PIP4K2A: variants seen among roughly 807,000 people sequenced by gnomAD.
PIP4K2A encodes phosphatidylinositol 5-phosphate 4-kinase type-2 alpha.
A neutral mutation model predicts 42.9 loss-of-function variants in PIP4K2A; 14 were observed. The ratio of observed to expected loss-of-function variants is 0.33; its 90% CI spans 0.22 to 0.51. PIP4K2A has a LOEUF of 0.51. Among genes scored for constraint, PIP4K2A ranks in the 20% least tolerant of loss-of-function variants. The pLI, the probability that PIP4K2A is intolerant of heterozygous loss-of-function variation, is 0.97. For synonymous variants in PIP4K2A, 192 were observed against 192.2 expected, an observed-to-expected ratio of 1.00 and a Z score of 0.01; for missense variants, 434 against 519.8, an observed-to-expected ratio of 0.83 and a Z score of 1.61.
intron 1 of PIP4K2A, among the ~76,000 whole-genome samples, chr10:22,657,613 T>C (rs1450982947): frequency 1.3e-5 from 2 of 152,228 alleles, no homozygotes; most frequent in East Asian, 1.9e-4. Flanking sequence ...GATTCTACAA[T>C]GGTAAACCAA....
intron 1 of PIP4K2A, among the ~76,000 whole-genome samples, chr10:22,616,290 T>A (rs1838176417): frequency 6.6e-6 from 1 of 152,160 alleles, no homozygotes; most frequent in Non-Finnish European, 1.5e-5. Context: ...ACTGCCACAC[T>A]TGGCACTAAC....
chr10:22,714,354 C>A lies in PIP4K2A; in HGVS notation c.-28G>T. Reference sequence around the variant, plus strand: ...CCGCCTCCTATGTCCCCTCCACCGCCGTGCTCCCGAGGCCGGGGACCCGCC... The same window carrying A: ...CCGCCTCCTATGTCCCCTCCACCGCAGTGCTCCCGAGGCCGGGGACCCGCC... On this transcript the variant is annotated 5_prime_UTR_variant, in exon 1 of 10. Transcript: ENST00000376573. 6.6e-7 allele frequency: 1 copy of A among 1,525,604 alleles called. No individual in the cohort carries two copies. Among genetic ancestry groups the A allele is most frequent in the Non-Finnish European group, 8.8e-7 (1 of 1,132,614 alleles). 94.5% of individuals were successfully genotyped at this position (1,525,604 alleles called of 1,614,324 possible). A position where few individuals can be genotyped will look rare whatever the true frequency, so the allele number is the denominator to read the frequency against.
At chr10:22,675,149 A>C (rs1313021347) in intron 1 of PIP4K2A, among the ~76,000 whole-genome samples, 1 of 152,156 alleles carries the variant, frequency 6.6e-6, no homozygotes, top group Non-Finnish European at 1.5e-5. Flanking sequence ...TCATTCATTC[A>C]ATGTTGATTG....
chr10:22,644,547 C>T (rs1249372617), intron 1 of PIP4K2A, among the ~76,000 whole-genome samples: 1 of 152,194 alleles, frequency 6.6e-6, no homozygotes, highest in African/African-American at 2.4e-5. Context: ...CCTCACTTCC[C>T]AGTCTCTCAC....
At position 22,545,743 on chromosome 10, in the gene PIP4K2A, T is replaced by G. The variant is rs936618957; in HGVS notation, c.793-3696A>C. On this transcript the variant is annotated intron_variant, in intron 7 of 9. Coordinates refer to ENST00000376573, the MANE Select transcript of PIP4K2A (RefSeq NM_005028.5). ...TTTAAGAGATGGGATCTTGCTCTGT[T>G]GCCCAGGCTGGAGTACAGTGGTATG... Among the ~76,000 whole-genome samples the G allele has an allele frequency of 1.4e-4, 21 of 152,220 alleles. 1 individual carries two copies. Among genetic ancestry groups the G allele is most frequent in the Admixed American group, 1.2e-3 (18 of 15,282 alleles).
At chr10:22,689,671 G>C (rs1839823456) in intron 1 of PIP4K2A, among the ~76,000 whole-genome samples, 1 of 152,124 alleles carries the variant, frequency 6.6e-6, no homozygotes. Context: ...AGATACTGAG[G>C]GATGACTGTA....
intron 7 of PIP4K2A, among the ~76,000 whole-genome samples, chr10:22,545,028 C>A (rs958198509): frequency 6.6e-6 from 1 of 152,224 alleles, no homozygotes; most frequent in South Asian, 2.1e-4. Flanking sequence ...CAAGGCAGCC[C>A]CAAACGGGGC....
intron 1 of PIP4K2A, among the ~76,000 whole-genome samples, chr10:22,619,316 G>A (rs1588667518): frequency 6.6e-6 from 1 of 152,130 alleles, no homozygotes; most frequent in East Asian, 1.9e-4. Context: ...ATTAGAATCA[G>A]TTACAGAGGC....
intron 1 of PIP4K2A, among the ~76,000 whole-genome samples, chr10:22,699,039 C>T (rs1234046953): frequency 3.3e-5 from 5 of 152,128 alleles, no homozygotes; most frequent in African/African-American, 1.2e-4. Context: ...GATGCCAGAA[C>T]TGCAAGAGAA....
chr10:22,566,567 C>T (rs543748398), intron 6 of PIP4K2A, among the ~76,000 whole-genome samples: 14 of 152,304 alleles, frequency 9.2e-5, no homozygotes, highest in Admixed American at 9.2e-4. Context: ...CTACCACATC[C>T]CAGCTCCGGC....
At chr10:22,655,818 C>A (rs573076071) in intron 1 of PIP4K2A, among the ~76,000 whole-genome samples, 1 of 152,292 alleles carries the variant, frequency 6.6e-6, no homozygotes, top group East Asian at 1.9e-4. Flanking sequence ...TTTACCAAAT[C>A]TGTGATTTGT....
intron 1 of PIP4K2A, among the ~76,000 whole-genome samples, chr10:22,670,598 T>C (rs1433392363): frequency 6.6e-6 from 1 of 152,186 alleles, no homozygotes; most frequent in African/African-American, 2.4e-5. Context: ...TTCAAAAATT[T>C]TGTCTCACCC....
chr10:22,544,922 G>C (rs558400932), intron 7 of PIP4K2A, among the ~76,000 whole-genome samples: 3 of 152,156 alleles, frequency 2.0e-5, no homozygotes, highest in African/African-American at 7.2e-5. Flanking sequence ...CCAGAGTCTG[G>C]GTGTTTAGGG....
chr10:22,571,205 C>T (rs1836978584), intron 5 of PIP4K2A, among the ~76,000 whole-genome samples: 1 of 152,172 alleles, frequency 6.6e-6, no homozygotes, highest in South Asian at 2.1e-4. Flanking sequence ...GAAAGAACAA[C>T]TGACAGTCTA....
At chr10:22,656,666 G>A (rs951191267) in intron 1 of PIP4K2A, among the ~76,000 whole-genome samples, 4 of 152,064 alleles carry the variant, frequency 2.6e-5, no homozygotes, top group African/African-American at 7.2e-5. Context: ...GTGTGGTGGC[G>A]GGTACCTGTA....
chr10:22,538,819 C>T (rs1836007592), intron 9 of PIP4K2A, among the ~76,000 whole-genome samples: 1 of 152,194 alleles, frequency 6.6e-6, no homozygotes, highest in Admixed American at 6.5e-5. Flanking sequence ...AGGTCCCAGT[C>T]TGTGCTCTGC....
chr10:22,570,008 A>G (rs1836946341), intron 5 of PIP4K2A, among the ~76,000 whole-genome samples: 1 of 152,140 alleles, frequency 6.6e-6, no homozygotes, highest in African/African-American at 2.4e-5. Flanking sequence ...CCAATCTCTA[A>G]GTATAATTTA....
In PIP4K2A at chr10:22,573,477, A is replaced by ATTTCT; in HGVS notation, c.493-21_493-20insAGAAA. ...TATGTACTGCATAGGAGAGAAAGAA[A>ATTTCT]AAGGAAAAAAACATCCAATCAAAAG... On this transcript the variant is annotated intron_variant, in intron 4 of 9. Transcript: ENST00000376573. The ATTTCT allele has an allele frequency of 6.3e-7, 1 of 1,593,430 alleles. No individual in the cohort carries two copies. Among genetic ancestry groups the ATTTCT allele is most frequent in the East Asian group, 2.2e-5 (1 of 44,718 alleles).
intron 1 of PIP4K2A, among the ~76,000 whole-genome samples, chr10:22,639,959 G>A (rs1180644606): frequency 6.7e-6 from 1 of 149,880 alleles, no homozygotes; most frequent in Non-Finnish European, 1.5e-5. Flanking sequence ...AATTAAAACT[G>A]GCGGTTTACC....
Sources: gnomAD v4.1 joint callset for allele counts (sites outside exome capture counted in the v4.1 genomes callset) on GRCh38, gnomAD v4.1.1 for gene constraint, MANE v1.5 for transcripts, NCBI Gene and HGNC (gene_info 2026-07-23, HGNC 2026-07-21) for gene names.